EPB41L2: variants seen among roughly 807,000 people sequenced by gnomAD.
EPB41L2 encodes the protein erythrocyte membrane protein band 4.1 like 2, also known as band 4.1-like protein 2.
In EPB41L2, 43 loss-of-function variants were observed where a neutral mutation model predicts 113.0. The ratio of observed to expected loss-of-function variants is 0.38; its 90% CI spans 0.30 to 0.49. The LOEUF is 0.49. Ranked by LOEUF, EPB41L2 falls within the 20% of genes least tolerant of loss-of-function variation. The pLI, the probability that EPB41L2 is intolerant of heterozygous loss-of-function variation, is 0.95. For missense variants in EPB41L2, 1,147 were observed against 1,223.4 expected (o/e 0.94, Z 0.93); for synonymous variants, 442 against 436.7 (o/e 1.01, Z -0.15).
At position 130,904,550 on chromosome 6, in the gene EPB41L2, T is replaced by A; in HGVS notation, c.854-10A>T. 1 of 1,569,506 alleles carries A rather than the reference T, an allele frequency of 6.4e-7. No individual in the cohort carries two copies. Among genetic ancestry groups the A allele is most frequent in the South Asian group, 1.1e-5 (1 of 87,272 alleles). On this transcript the variant is annotated splice_polypyrimidine_tract_variant and intron_variant, in intron 5 of 19. Transcript: ENST00000337057. ...AATAGCCATGGAAGGTCTGTAATTATTAAATATCACAGTTATGCACCCAAT... is the reference window on the plus strand; with the variant it reads ...AATAGCCATGGAAGGTCTGTAATTAATAAATATCACAGTTATGCACCCAAT...
At chr6:130,907,136 C>T (rs990301183) in intron 5 of EPB41L2, among the ~76,000 whole-genome samples, 2 of 152,012 alleles carry the variant, frequency 1.3e-5, no homozygotes, top group African/African-American at 4.8e-5. Context: ...TAGGAAACAA[C>T]TCAATGGAAC....
intron 14 of EPB41L2, chr6:130,872,393 G>T (rs1254759579): frequency 1.6e-6 from 2 of 1,288,832 alleles, no homozygotes; most frequent in Non-Finnish European, 2.0e-6. Flanking sequence ...TGAGAAGGGC[G>T]AGGAAGAAAG....
Position 130,885,235 on chromosome 6 carries a change from T to C in EPB41L2, c.1694A>G (p.Lys565Arg). 6.2e-7 allele frequency: 1 copy of C among 1,614,130 alleles called. No individual in the cohort carries two copies. Among genetic ancestry groups the C allele is most frequent in the Non-Finnish European group, 8.5e-7 (1 of 1,180,014 alleles). ...PIGVMDQSLM[K>R]DFPGAAGEIS... ...CTCCCCAGCAGCGCCAGGAAAATCC[T>C]TCATAAGACTTTGGTCCATGACACC... The change falls in exon 12 of 20, where the codon AAG becomes AGG. Residue 565 changes from lysine (K) to arginine (R), a missense_variant. Physicochemically the swap from Lys to Arg is conservative, Grantham distance 26. Coordinates refer to ENST00000337057, the MANE Select transcript of EPB41L2 (RefSeq NM_001431.4).
At chr6:130,897,376 C>T (rs1022330785) in intron 8 of EPB41L2, among the ~76,000 whole-genome samples, 5 of 152,274 alleles carry the variant, frequency 3.3e-5, no homozygotes, top group South Asian at 2.1e-4. Flanking sequence ...AGGAGTCTAT[C>T]GGATGATAAA....
At chr6:130,988,460 CT>C (rs1487209283) in intron 1 of EPB41L2, among the ~76,000 whole-genome samples, 2 of 152,246 alleles carry the variant, frequency 1.3e-5, no homozygotes, top group Admixed American at 1.3e-4. Context: ...AATCTCAAAA[CT>C]TTTTTCCAAA....
At chr6:130,904,406 CA>C (rs1289782165) in intron 6 of EPB41L2, 58 bp downstream of exon 6, 2 of 1,223,562 alleles carry the variant, frequency 1.6e-6, no homozygotes, top group African/African-American at 3.0e-5. Flanking sequence ...GCTCCCAGGG[CA>C]CAAAAATAAA....
At chr6:131,062,209 A>G (rs1457938573) in intron 1 of EPB41L2, among the ~76,000 whole-genome samples, 1 of 151,778 alleles carries the variant, frequency 6.6e-6, no homozygotes, top group Non-Finnish European at 1.5e-5. Context: ...TATATAAAAA[A>G]AAAAACTTGA....
At chr6:130,959,689 C>G (rs1353919882) in intron 1 of EPB41L2, among the ~76,000 whole-genome samples, 3 of 152,224 alleles carry the variant, frequency 2.0e-5, no homozygotes, top group African/African-American at 4.8e-5. Context: ...TTTAACATAC[C>G]ATTTCCCATG....
At chr6:130,926,193 AC>A (rs1290383365) in intron 4 of EPB41L2, among the ~76,000 whole-genome samples, 2 of 152,218 alleles carry the variant, frequency 1.3e-5, no homozygotes, top group African/African-American at 4.8e-5. Context: ...TACCTAGCAT[AC>A]AGGTGACTGC....
At chr6:130,963,375 T>C (rs1218044721) in intron 1 of EPB41L2, among the ~76,000 whole-genome samples, 2 of 152,236 alleles carry the variant, frequency 1.3e-5, no homozygotes, top group Non-Finnish European at 2.9e-5. Flanking sequence ...TATTCCATTT[T>C]TTCCAAATGA....
At chr6:130,934,608 G>A (rs1808118839) in intron 3 of EPB41L2, among the ~76,000 whole-genome samples, 1 of 152,022 alleles carries the variant, frequency 6.6e-6, no homozygotes. Context: ...GAGTATCTGA[G>A]ACTACAGGTG....
At position 130,885,046 on chromosome 6, in the gene EPB41L2, T is replaced by A. The variant is rs750373624; in HGVS notation, c.1833+50A>T. ...GAAACAGAAAATACAACAGATACCC[T>A]CTAGGTTAAGTAAATGTTTAAAACC... On this transcript the variant is annotated intron_variant, in intron 12 of 19. Coordinates refer to ENST00000337057, the MANE Select transcript of EPB41L2 (RefSeq NM_001431.4). 5.6e-6 allele frequency: 9 copies of A among 1,593,510 alleles called. No individual in the cohort carries two copies. In the South Asian group the frequency reaches 1.0e-4, roughly 18 times the overall value.
At chr6:130,938,913 AAGT>A (rs1434776517) in intron 3 of EPB41L2, among the ~76,000 whole-genome samples, 1 of 152,190 alleles carries the variant, frequency 6.6e-6, no homozygotes, top group Non-Finnish European at 1.5e-5. Flanking sequence ...GAGGAAGAAA[AAGT>A]AGGCAGGAAG....
At chr6:130,982,465 T>C (rs1779590223) in intron 1 of EPB41L2, among the ~76,000 whole-genome samples, 1 of 152,168 alleles carries the variant, frequency 6.6e-6, no homozygotes, top group Non-Finnish European at 1.5e-5. Context: ...GGTATAATTC[T>C]GTTACCTTTT....
At chr6:130,882,737 C>G (rs927610282) in intron 12 of EPB41L2, 2 of 152,786 alleles carry the variant, frequency 1.3e-5, no homozygotes, top group African/African-American at 4.8e-5. Flanking sequence ...GTGCTGCACA[C>G]CAGCGGGGAG....
At position 130,955,318 on chromosome 6, in the gene EPB41L2, CTGT is replaced by C; in HGVS notation, c.493-4_493-2del. 6.3e-7 allele frequency: 1 copy of C among 1,579,922 alleles called. No individual in the cohort carries two copies. The highest frequency in any genetic ancestry group is 1.7e-5 in the African/African-American group (1 of 59,988). ...TCTCCTTACTTACTAATTCAGTAGG[CTGT>C]TGAGGAAAAAAAAATAAATTCATAC... On this transcript the variant is annotated splice_acceptor_variant and splice_polypyrimidine_tract_variant and intron_variant, in intron 2 of 19. Transcript: ENST00000337057. LOFTEE classifies it high-confidence loss of function.
At chr6:130,901,238 A>C in intron 6 of EPB41L2, 58 bp from the exon 7 acceptor site, 1 of 1,490,180 alleles carries the variant, frequency 6.7e-7, no homozygotes, top group South Asian at 1.1e-5. Flanking sequence ...AGATTGGAGC[A>C]CTCACAGTCC....
rs750677894 is a variant in EPB41L2, at chr6:130,869,882, G to A, written c.2288C>T (p.Thr763Ile). The A allele has an allele frequency of 2.5e-6, 4 of 1,612,820 alleles. No individual in the cohort carries two copies. The highest frequency in any genetic ancestry group is 4.5e-5 in the East Asian group (2 of 44,850). The change falls in exon 15 of 20, where the codon ACC becomes ATC. Residue 763 changes from threonine (T) to isoleucine (I), a missense_variant. Transcript: ENST00000337057. Reference protein sequence around the residue: ...VGEYRPHHRVTEGTIREEQEY... With the variant: ...VGEYRPHHRVIEGTIREEQEY... ...CTGTTCCTCCCTGATGGTGCCCTCG[G>A]TCACTCGGTGGTGGGGACGGTACTC... is the stretch of plus-strand genomic sequence containing the variant.
chr6:131,010,416 T>TA (rs1786658370), intron 1 of EPB41L2, among the ~76,000 whole-genome samples: 1 of 96,414 alleles, frequency 1.0e-5, no homozygotes. Flanking sequence ...ATTAATTAAT[T>TA]TTTTTTTTTT....
Sources: gnomAD v4.1 joint callset for allele counts (sites outside exome capture counted in the v4.1 genomes callset) on GRCh38, gnomAD v4.1.1 for gene constraint, MANE v1.5 for transcripts, NCBI Gene and HGNC (gene_info 2026-07-23, HGNC 2026-07-21) for gene names.